ESR2: variants seen among roughly 807,000 people sequenced by gnomAD.
ESR2 encodes estrogen receptor beta.
In ESR2, 36 loss-of-function variants were observed where a neutral mutation model predicts 49.6. That is an observed-to-expected ratio of 0.73 (90% CI 0.56 to 0.96). The LOEUF is 0.96. ESR2 is among the 40% of genes least tolerant of loss of function. The probability of loss-of-function intolerance (pLI) is 0.00; values close to 1 mark genes in which losing one functional copy is unlikely to be tolerated. For missense variants in ESR2, 714 were observed against 693.0 expected (o/e 1.03, Z -0.34); for synonymous variants, 320 against 266.1 (o/e 1.20, Z -1.97).
intron 1 of ESR2, among the ~76,000 whole-genome samples, chr14:64,326,437 ATTAT>A (rs1259971576): frequency 6.6e-6 from 1 of 152,152 alleles, no homozygotes; most frequent in African/African-American, 2.4e-5. Context: ...ACACTCATTT[ATTAT>A]TTAATTATTT....
intron 5 of ESR2, among the ~76,000 whole-genome samples, chr14:64,259,713 G>A (rs994695022): frequency 6.6e-6 from 1 of 152,146 alleles, no homozygotes; most frequent in African/African-American, 2.4e-5. Context: ...CCAGGTTTAT[G>A]GGCCCATTGA....
chr14:64,282,618 A>T lies in ESR2; in HGVS notation c.362+6T>A, dbSNP rs1210131678. The T allele has an allele frequency of 3.7e-5, 59 of 1,585,474 alleles. No homozygotes were observed. Among genetic ancestry groups the T allele is most frequent in the Non-Finnish European group, 4.7e-5 (54 of 1,160,090 alleles). Reference sequence around the variant, plus strand: ...AACTATAATTCAGAATGAAGACTGGACTTACCTGTTTACAGGTAAGGTGTG... The same window carrying T: ...AACTATAATTCAGAATGAAGACTGGTCTTACCTGTTTACAGGTAAGGTGTG... On this transcript the variant is annotated splice_donor_region_variant and intron_variant, in intron 2 of 8. Coordinates refer to ENST00000341099, the MANE Select transcript of ESR2 (RefSeq NM_001437.3).
At chr14:64,245,279 C>T (rs917623010) in intron 7 of ESR2, among the ~76,000 whole-genome samples, 7 of 151,848 alleles carry the variant, frequency 4.6e-5, no homozygotes, top group Admixed American at 1.3e-4. Flanking sequence ...TTTGGGAGGC[C>T]GAGGCAAGCG....
At chr14:64,309,799 G>A (rs1411735887) in intron 1 of ESR2, among the ~76,000 whole-genome samples, 2 of 151,706 alleles carry the variant, frequency 1.3e-5, no homozygotes, top group East Asian at 3.9e-4. Context: ...GTGAAAGCTC[G>A]TCTCTGGCCA....
At chr14:64,281,422 A>G (rs2076664747) in intron 2 of ESR2, among the ~76,000 whole-genome samples, 2 of 152,194 alleles carry the variant, frequency 1.3e-5, no homozygotes, top group Non-Finnish European at 2.9e-5. Flanking sequence ...CAGAAACAAA[A>G]TATGTCTTCC....
At chr14:64,321,223 C>G (rs929898943) in intron 1 of ESR2, among the ~76,000 whole-genome samples, 3 of 151,174 alleles carry the variant, frequency 2.0e-5, no homozygotes, top group African/African-American at 7.3e-5. Flanking sequence ...TATGAAATGT[C>G]CAAAAAAAGG....
intron 1 of ESR2, among the ~76,000 whole-genome samples, chr14:64,320,078 C>T (rs917882134): frequency 6.6e-6 from 1 of 150,968 alleles, no homozygotes; most frequent in African/African-American, 2.4e-5. Context: ...TAAGTCTGCA[C>T]AACAGAATAT....
chr14:64,281,456 A>G (rs374533331), intron 2 of ESR2, among the ~76,000 whole-genome samples: 5 of 152,214 alleles, frequency 3.3e-5, no homozygotes, highest in African/African-American at 1.2e-4. Context: ...GGAGAAAAAA[A>G]AAACAAACCA....
chr14:64,327,098 T>C (rs1197707353), intron 1 of ESR2, among the ~76,000 whole-genome samples: 1 of 152,262 alleles, frequency 6.6e-6, no homozygotes, highest in Non-Finnish European at 1.5e-5. Flanking sequence ...GGAGTGAATC[T>C]GTTGGCATCT....
chr14:64,227,597 T>C (rs1202505168), downstream of ESR2: 1 of 1,614,196 alleles, frequency 6.2e-7, no homozygotes, highest in Non-Finnish European at 8.5e-7. Flanking sequence ...GGTGAGTGTT[T>C]GAGAGGCCTT....
At chr14:64,227,692 A>C (rs1423536763), downstream of ESR2, 2 of 1,604,092 alleles carry the variant, frequency 1.2e-6, no homozygotes, top group Non-Finnish European at 1.7e-6. Context: ...AATATTGTGC[A>C]TGTCAATTTT....
intron 6 of ESR2, 52 bp downstream of exon 6, chr14:64,257,174 A>G (rs955326995): frequency 6.4e-7 from 1 of 1,565,890 alleles, no homozygotes; most frequent in Non-Finnish European, 8.8e-7. Context: ...CCCACTCACT[A>G]AGCACCTTAC....
chr14:64,226,954 G>A (rs2098721893), downstream of ESR2: 1 of 152,682 alleles, frequency 6.5e-6, no homozygotes, highest in Non-Finnish European at 1.5e-5. Context: ...GCCTCCCAAA[G>A]TGTTGGGATT....
intron 3 of ESR2, among the ~76,000 whole-genome samples, chr14:64,273,688 G>A (rs1437181477): frequency 6.6e-6 from 1 of 152,066 alleles, no homozygotes; most frequent in East Asian, 1.9e-4. Context: ...ACGTGTTGTT[G>A]CATTTGGTTT....
At chr14:64,266,427 A>G (rs1233113947) in intron 4 of ESR2, among the ~76,000 whole-genome samples, 2 of 152,248 alleles carry the variant, frequency 1.3e-5, no homozygotes, top group Admixed American at 6.5e-5. Context: ...CATAGACTCT[A>G]TGGGATCCAA....
At chr14:64,263,563 A>G (rs1204217065) in intron 4 of ESR2, among the ~76,000 whole-genome samples, 2 of 152,118 alleles carry the variant, frequency 1.3e-5, no homozygotes, top group African/African-American at 4.8e-5. Flanking sequence ...AGGCTGAGGC[A>G]GGAGAGTCGC....
In ESR2 at chr14:64,260,648, G is replaced by A. The variant is rs770801445; in HGVS notation, c.753C>T (p.His251=). The A allele has an allele frequency of 3.1e-6, 5 of 1,601,144 alleles. No individual in the cohort carries two copies. In the South Asian group the frequency reaches 3.4e-5, roughly 11 times the overall value. The change falls in exon 5 of 9, where the codon CAC becomes CAT. Residue 251 remains histidine, a synonymous_variant. Transcript: ENST00000341099. ...GCAGCAGCTCCCGCACTCGGGGCGC[G>A]TGGCCGCCACTTCTCTTGGCCTTGC... ...CAGKAKRSGG[H]APRVRELLLD...
intron 1 of ESR2, among the ~76,000 whole-genome samples, chr14:64,285,837 A>AAAAAAG (rs1286126352): frequency 1.6e-4 from 24 of 146,832 alleles, no homozygotes; most frequent in African/African-American, 5.7e-4. Flanking sequence ...AAAAAAAAAA[A>AAAAAAG]AAAAAGAAAA....
At chr14:64,271,419 G>A (rs1473428902) in intron 3 of ESR2, among the ~76,000 whole-genome samples, 8 of 152,142 alleles carry the variant, frequency 5.3e-5, no homozygotes, top group African/African-American at 1.2e-4. Context: ...TCCACCTCCC[G>A]GGTTCAAGCA....
Sources: allele counts gnomAD v4.1 joint callset (sites outside exome capture counted in the v4.1 genomes callset), GRCh38; gene constraint gnomAD v4.1.1; transcripts MANE v1.5; gene names NCBI Gene and HGNC (gene_info 2026-07-23, HGNC 2026-07-21).